ACYP2: variants seen among roughly 807,000 people sequenced by gnomAD.
The protein encoded by ACYP2 is acylphosphatase-2.
A neutral mutation model predicts 11.2 loss-of-function variants in ACYP2; 12 were observed. The ratio of observed to expected loss-of-function variants is 1.08; its 90% CI spans 0.69 to 1.74. The LOEUF (loss-of-function observed/expected upper bound fraction) is 1.74. Among genes scored for constraint, ACYP2 ranks in the 40% most tolerant of loss-of-function variants. The probability of loss-of-function intolerance (pLI) is 0.00; values close to 1 mark genes in which losing one functional copy is unlikely to be tolerated. For missense variants in ACYP2, 134 were observed against 101.9 expected (o/e 1.31, Z -1.35); for synonymous variants, 43 against 32.2 (o/e 1.33, Z -1.13).
chr2:54,159,173 TA>T (rs3832035), intron 6 of ACYP2, among the ~76,000 whole-genome samples: 11,286 of 145,292 alleles, frequency 0.078, 535 homozygotes, highest in East Asian at 0.25. Flanking sequence ...CCCTGGGCTT[TA>T]AAAAAAAAAA....
At chr2:54,023,705 GT>G (rs1181996607) in intron 2 of ACYP2, among the ~76,000 whole-genome samples, 4 of 152,012 alleles carry the variant, frequency 2.6e-5, no homozygotes, top group Non-Finnish European at 5.9e-5. Flanking sequence ...TAAACTTAAA[GT>G]TTTTTTCCTG....
At chr2:53,976,901 A>G (rs1199268544) in intron 2 of ACYP2, among the ~76,000 whole-genome samples, 2 of 152,064 alleles carry the variant, frequency 1.3e-5, no homozygotes, top group East Asian at 3.9e-4. Flanking sequence ...CTTTTTGTTT[A>G]TTTTTGGGGG....
intron 6 of ACYP2, among the ~76,000 whole-genome samples, chr2:54,290,562 G>A (rs1439484196): frequency 6.6e-6 from 1 of 152,024 alleles, no homozygotes; most frequent in African/African-American, 2.4e-5. Context: ...CTAGGGTGGG[G>A]ACATAAAATA....
At chr2:54,249,277 A>G (rs1687098177) in intron 6 of ACYP2, among the ~76,000 whole-genome samples, 1 of 152,150 alleles carries the variant, frequency 6.6e-6, no homozygotes, top group Non-Finnish European at 1.5e-5. Context: ...AAAGGGAACA[A>G]TTCTGGAAGC....
intron 2 of ACYP2, among the ~76,000 whole-genome samples, chr2:53,982,495 A>G (rs1279374071): frequency 1.3e-5 from 2 of 152,196 alleles, no homozygotes; most frequent in Non-Finnish European, 2.9e-5. Context: ...AGACTGACAG[A>G]TATGAAAACA....
intron 4 of ACYP2, among the ~76,000 whole-genome samples, chr2:54,128,664 C>A (rs1335961291): frequency 6.6e-6 from 1 of 152,066 alleles, no homozygotes; most frequent in East Asian, 1.9e-4. Context: ...GAGACCCCAT[C>A]TCTTTAAAAA....
chr2:54,116,071 G>A (rs917201625), intron 4 of ACYP2, among the ~76,000 whole-genome samples: 2 of 152,130 alleles, frequency 1.3e-5, no homozygotes, highest in African/African-American at 2.4e-5. Context: ...AGTTGGGTAG[G>A]AAAAGAAGAG....
intron 6 of ACYP2, among the ~76,000 whole-genome samples, chr2:54,215,818 G>T (rs1685536844): frequency 6.6e-6 from 1 of 152,060 alleles, no homozygotes; most frequent in Non-Finnish European, 1.5e-5. Context: ...ATAAATAAAT[G>T]TATTTAATAA....
At chr2:54,214,488 G>C (rs904252296) in intron 6 of ACYP2, among the ~76,000 whole-genome samples, 1 of 152,126 alleles carries the variant, frequency 6.6e-6, no homozygotes, top group Non-Finnish European at 1.5e-5. Flanking sequence ...ACCACTTATC[G>C]AATAGGGAGT....
chr2:54,256,202 AG>A (rs1266896376), intron 6 of ACYP2: 4 of 1,544,560 alleles, frequency 2.6e-6, no homozygotes, highest in Non-Finnish European at 2.6e-6. Flanking sequence ...AGAGGTAGGT[AG>A]CGTCAACGTT....
intron 6 of ACYP2, among the ~76,000 whole-genome samples, chr2:54,182,309 C>T (rs1447481758): frequency 6.6e-6 from 1 of 151,994 alleles, no homozygotes; most frequent in Non-Finnish European, 1.5e-5. Context: ...CCACCCGCCT[C>T]AGCCTCCCAA....
intron 4 of ACYP2, among the ~76,000 whole-genome samples, chr2:54,072,505 C>CTTTTTTTCT (rs1464533606): frequency 2.6e-5 from 2 of 78,424 alleles, no homozygotes; most frequent in Admixed American, 1.2e-4. Flanking sequence ...CTTTCTCTCT[C>CTTTTTTTCT]TCTCTCTTTC....
At chr2:54,131,043 C>T (rs865924546) in intron 4 of ACYP2, among the ~76,000 whole-genome samples, 34 of 152,256 alleles carry the variant, frequency 2.2e-4, no homozygotes, top group African/African-American at 7.7e-4. Flanking sequence ...TTTACTTGTC[C>T]ATCTTTCCCA....
intron 2 of ACYP2, among the ~76,000 whole-genome samples, chr2:54,014,175 A>C (rs1673553528): frequency 6.6e-6 from 1 of 152,054 alleles, no homozygotes; most frequent in Admixed American, 6.6e-5. Flanking sequence ...AAAAAAAAGA[A>C]AGAAACTCAG....
intron 6 of ACYP2, among the ~76,000 whole-genome samples, chr2:54,201,680 T>TTCTTTTTTTCTTTCTC (rs1395606887): frequency 9.3e-6 from 1 of 107,294 alleles, no homozygotes; most frequent in African/African-American, 3.7e-5. Flanking sequence ...CTTTCTTTCT[T>TTCTTTTTTTCTTTCTC]TCTCTCTCTC....
chr2:54,052,303 A>G (rs1309629426), intron 3 of ACYP2, among the ~76,000 whole-genome samples: 5 of 152,124 alleles, frequency 3.3e-5, no homozygotes, highest in Admixed American at 6.5e-5. Flanking sequence ...TTTGTATGGT[A>G]AACACACTAC....
intron 2 of ACYP2, among the ~76,000 whole-genome samples, chr2:53,981,666 G>A (rs1192731731): frequency 6.6e-6 from 1 of 152,106 alleles, no homozygotes; most frequent in African/African-American, 2.4e-5. Context: ...TTGGAAAGTT[G>A]GGGTTTTCCT....
At chr2:54,043,391 A>G (rs1242174862) in intron 2 of ACYP2, among the ~76,000 whole-genome samples, 1 of 152,192 alleles carries the variant, frequency 6.6e-6, no homozygotes, top group Non-Finnish European at 1.5e-5. Flanking sequence ...GATTGAAGGC[A>G]TGCTCAGTGG....
At chr2:54,093,828 T>C (rs1678369186) in intron 4 of ACYP2, among the ~76,000 whole-genome samples, 1 of 152,102 alleles carries the variant, frequency 6.6e-6, no homozygotes, top group African/African-American at 2.4e-5. Flanking sequence ...TAGTCCCAGC[T>C]ACTCCGGAGG....
Sources: allele counts gnomAD v4.1 joint callset (sites outside exome capture counted in the v4.1 genomes callset), GRCh38; gene constraint gnomAD v4.1.1; transcripts MANE v1.5; gene names NCBI Gene and HGNC (gene_info 2026-07-23, HGNC 2026-07-21).